PIK3C2A: variants seen among roughly 807,000 people sequenced by gnomAD.
PIK3C2A encodes phosphatidylinositol-4-phosphate 3-kinase catalytic subunit type 2 alpha, also known as phosphatidylinositol 4-phosphate 3-kinase C2 domain-containing subunit alpha.
A neutral mutation model predicts 204.5 loss-of-function variants in PIK3C2A; 97 were observed. The ratio of observed to expected loss-of-function variants is 0.47; its 90% CI spans 0.40 to 0.56. PIK3C2A has a LOEUF of 0.56. Ranked by LOEUF, PIK3C2A falls within the 20% of genes least tolerant of loss-of-function variation. PIK3C2A has a pLI of 0.00. For missense variants in PIK3C2A, 1,735 were observed against 1,969.2 expected (o/e 0.88, Z 2.25); for synonymous variants, 653 against 664.4 (o/e 0.98, Z 0.26).
At chr11:17,136,679 T>C in intron 8 of PIK3C2A, 54 bp from the exon 9 acceptor site, 1 of 991,690 alleles carries the variant, frequency 1.0e-6, no homozygotes, top group South Asian at 1.6e-5. Context: ...AAAGGACCAA[T>C]TCCAGAGACG....
chr11:17,097,841 G>A (rs1000035288), intron 26 of PIK3C2A, among the ~76,000 whole-genome samples: 1 of 152,178 alleles, frequency 6.6e-6, no homozygotes, highest in African/African-American at 2.4e-5. Flanking sequence ...TTGAACCCAG[G>A]AGGAAAGAGG....
intron 1 of PIK3C2A, among the ~76,000 whole-genome samples, chr11:17,172,671 C>A (rs1851217083): frequency 6.6e-6 from 1 of 152,250 alleles, no homozygotes; most frequent in Non-Finnish European, 1.5e-5. Context: ...CCTTCCTTCA[C>A]TTATCCTCAG....
intron 1 of PIK3C2A, among the ~76,000 whole-genome samples, chr11:17,175,101 A>T (rs1325150843): frequency 6.6e-6 from 1 of 152,188 alleles, no homozygotes; most frequent in Non-Finnish European, 1.5e-5. Flanking sequence ...ACAATAATTT[A>T]TTCACAGGAG....
In PIK3C2A at chr11:17,092,059, C is replaced by G. The variant is rs543313941; in HGVS notation, c.4579G>C (p.Val1527Leu). Residue 1527 changes from valine to leucine, a missense_variant, in exon 30 of 33, where the codon GTT (valine) becomes CTT (leucine). By Grantham distance (32) the Val-to-Leu change is conservative. Around this residue, in one of 6 missense-constraint regions of PIK3C2A, gnomAD observed 503 missense variants for 669.0 expected, o/e 0.75. Coordinates refer to ENST00000691414, the MANE Select transcript of PIK3C2A (RefSeq NM_002645.4). ...ASTDVAECDL[V>L]CTFFHPLLRD... is the part of the protein sequence containing the mutation. ...AGTAAAGGGTGGAAGAAAGTACAAA[C>G]AAGATCACACTAAGAATAAAGAGAA... The G allele has an allele frequency of 1.1e-5, 17 of 1,606,154 alleles. No homozygotes were observed. The Admixed American group carries it at 2.2e-4, about 20-fold the overall frequency.
At position 17,089,542 on chromosome 11, in the gene PIK3C2A, A is replaced by G. The variant is rs1273076817; in HGVS notation, c.*196T>C. On this transcript the variant is annotated 3_prime_UTR_variant, in exon 33 of 33. Coordinates refer to ENST00000691414, the MANE Select transcript of PIK3C2A (RefSeq NM_002645.4). ...AACAGCAATGGCTTCCAAAAATTCA[A>G]AAAGGTTAGTTATGTGACTGTTGGT... 1 of 478,632 alleles carries G rather than the reference A, an allele frequency of 2.1e-6. No homozygotes were observed. The highest frequency in any genetic ancestry group is 3.8e-5 in the Admixed American group (1 of 26,448). 29.6% of individuals were successfully genotyped at this position (478,632 alleles called of 1,614,324 possible). A position where few individuals can be genotyped will look rare whatever the true frequency, so the allele number is the denominator to read the frequency against.
chr11:17,114,083 A>G (rs932525216), intron 20 of PIK3C2A, among the ~76,000 whole-genome samples: 25 of 149,486 alleles, frequency 1.7e-4, no homozygotes, highest in African/African-American at 6.2e-4. Context: ...GTCTCAAAAA[A>G]TAAATAAATA....
chr11:17,167,800 A>G (rs904443128), intron 2 of PIK3C2A, among the ~76,000 whole-genome samples: 2 of 152,320 alleles, frequency 1.3e-5, no homozygotes, highest in East Asian at 3.9e-4. Flanking sequence ...TGAGGCTTAA[A>G]CATTCCCAGG....
intron 28 of PIK3C2A, among the ~76,000 whole-genome samples, chr11:17,093,327 T>C (rs1848362492): frequency 2.6e-5 from 4 of 152,184 alleles, no homozygotes; most frequent in South Asian, 2.1e-4. Context: ...AGTGCAGTGG[T>C]GCCATCTCAG....
intron 28 of PIK3C2A, among the ~76,000 whole-genome samples, chr11:17,093,894 C>T (rs1336464494): frequency 1.3e-5 from 2 of 152,134 alleles, no homozygotes; most frequent in Admixed American, 1.3e-4. Context: ...GCCTCGGCCT[C>T]CCAAAGTGCT....
At chr11:17,135,840 G>A (rs1018561353) in intron 9 of PIK3C2A, among the ~76,000 whole-genome samples, 30 of 152,190 alleles carry the variant, frequency 2.0e-4, no homozygotes, top group African/African-American at 5.5e-4. Context: ...ATATCGAGGG[G>A]CACACCATCA....
chr11:17,122,485 G>T, intron 14 of PIK3C2A, 152 bp from the exon 15 acceptor site: 1 of 635,018 alleles, frequency 1.6e-6, no homozygotes, highest in Non-Finnish European at 2.8e-6. Flanking sequence ...GATTACCATT[G>T]TTGGTAATTC....
At position 17,112,569 on chromosome 11, in the gene PIK3C2A, C is replaced by T. The variant is rs761632103; in HGVS notation, c.3414+5G>A. On this transcript the variant is annotated splice_donor_5th_base_variant and intron_variant, in intron 21 of 32. Transcript: ENST00000691414. ...CATTAAAAAACAGTAACATTATTTA[C>T]TCACCTTAAACATGACATTAATTTC... is the stretch of plus-strand genomic sequence containing the variant. 2.2e-6 allele frequency: 3 copies of T among 1,369,696 alleles called. No homozygotes were observed. The highest frequency in any genetic ancestry group is 2.5e-5 in the East Asian group (1 of 40,474). The allele number at this position is 1,369,696 out of a possible 1,614,324, so 84.8% of individuals were successfully genotyped here.
chr11:17,138,397 G>C (rs999031696), intron 8 of PIK3C2A: 2 of 370,802 alleles, frequency 5.4e-6, no homozygotes, highest in African/African-American at 4.1e-5. Flanking sequence ...GCACCCTCAT[G>C]CTATGTTCTC....
intron 1 of PIK3C2A, among the ~76,000 whole-genome samples, chr11:17,207,356 C>A (rs1303259720): frequency 1.3e-5 from 2 of 152,120 alleles, no homozygotes; most frequent in Admixed American, 6.6e-5. Context: ...GAAAAAGTAT[C>A]CTTGGCCCCC....
At chr11:17,204,483 C>T (rs866598831) in intron 1 of PIK3C2A, 4 of 152,186 alleles carry the variant, frequency 2.6e-5, no homozygotes, top group Admixed American at 6.5e-5. Context: ...ATCCATCCTG[C>T]CCTTATGAAT....
At chr11:17,150,757 T>C (rs1016743313) in intron 3 of PIK3C2A, 102 bp from the exon 4 acceptor site, 12 of 690,086 alleles carry the variant, frequency 1.7e-5, no homozygotes, top group Non-Finnish European at 2.4e-5. Flanking sequence ...TTCTGTGTCT[T>C]TGTCCAACTC....
intron 32 of PIK3C2A, among the ~76,000 whole-genome samples, chr11:17,090,648 C>T (rs1421855626): frequency 6.6e-6 from 1 of 151,960 alleles, no homozygotes; most frequent in Non-Finnish European, 1.5e-5. Flanking sequence ...TCTATGAGGG[C>T]TCTATTTTAT....
At chr11:17,136,992 A>T (rs1196727374) in intron 8 of PIK3C2A, among the ~76,000 whole-genome samples, 1 of 152,220 alleles carries the variant, frequency 6.6e-6, no homozygotes, top group Admixed American at 6.5e-5. Context: ...CTCCTGCAAA[A>T]ATATGGTATC....
intron 1 of PIK3C2A, 23 bp from the exon 2 acceptor site, chr11:17,169,829 C>T (rs559219613): frequency 1.2e-6 from 1 of 827,844 alleles, no homozygotes; most frequent in Non-Finnish European, 1.9e-6. Flanking sequence ...ATAAACATAA[C>T]ACTCAATTAG....
Sources: gnomAD v4.1 joint callset for allele counts (sites outside exome capture counted in the v4.1 genomes callset) on GRCh38, gnomAD v4.1.1 for gene constraint, gnomAD v4.1.1 regional missense constraint, MANE v1.5 for transcripts, NCBI Gene and HGNC (gene_info 2026-07-23, HGNC 2026-07-21) for gene names.